The following ANKRD44 variants were observed in gnomAD, a reference collection of about 807,000 sequenced individuals.
ANKRD44 encodes serine/threonine-protein phosphatase 6 regulatory ankyrin repeat subunit B.
ANKRD44 carries 35 observed loss-of-function variants against 116.0 expected under a neutral mutation model. The ratio of observed to expected loss-of-function variants is 0.30; its 90% CI spans 0.23 to 0.40. ANKRD44 has a LOEUF of 0.40. Ranked by LOEUF, ANKRD44 falls within the 10% of genes least tolerant of loss-of-function variation. The pLI is 1.00. For missense variants in ANKRD44, 1,014 were observed against 1,242.6 expected (o/e 0.82, Z 2.77); for synonymous variants, 435 against 461.8 (o/e 0.94, Z 0.74).
chr2:197,034,253 C>A (rs79121788), intron 16 of ANKRD44, among the ~76,000 whole-genome samples: 12,633 of 151,990 alleles, frequency 0.083, 688 homozygotes, highest in African/African-American at 0.15. Flanking sequence ...GCCAAAGAAC[C>A]AGCATTATAA....
chr2:197,187,644 TTCTC>T (rs55952976), intron 1 of ANKRD44, among the ~76,000 whole-genome samples: 11,274 of 134,578 alleles, frequency 0.084, 1,194 homozygotes, highest in African/African-American at 0.25. Flanking sequence ...CACGTTCTCA[TTCTC>T]TCTCTCTCTC....
At chr2:197,263,845 T>C (rs1428507177) in intron 1 of ANKRD44, among the ~76,000 whole-genome samples, 1 of 152,186 alleles carries the variant, frequency 6.6e-6, no homozygotes, top group East Asian at 1.9e-4. Flanking sequence ...GCTAGGCACA[T>C]GGCTGCCTCC....
At chr2:197,292,824 C>G (rs2083611117) in intron 1 of ANKRD44, among the ~76,000 whole-genome samples, 2 of 152,194 alleles carry the variant, frequency 1.3e-5, no homozygotes, top group South Asian at 4.1e-4. Flanking sequence ...CAAGAGTGCA[C>G]ATTAACAGTG....
intron 21 of ANKRD44, chr2:196,967,502 T>C: frequency 4.6e-6 from 2 of 437,718 alleles, no homozygotes; most frequent in South Asian, 1.6e-5. Context: ...TTATGTTAAT[T>C]GTTGCATTTT....
chr2:197,194,140 A>G (rs2080891679), intron 1 of ANKRD44, among the ~76,000 whole-genome samples: 1 of 152,196 alleles, frequency 6.6e-6, no homozygotes, highest in Non-Finnish European at 1.5e-5. Context: ...CACCACCTCT[A>G]AAGCAGAGGG....
At chr2:197,259,412 T>C (rs577660481) in intron 1 of ANKRD44, among the ~76,000 whole-genome samples, 1 of 152,164 alleles carries the variant, frequency 6.6e-6, no homozygotes, top group Non-Finnish European at 1.5e-5. Context: ...ACTTGGAAGA[T>C]ATGGGAGTTA....
intron 1 of ANKRD44, among the ~76,000 whole-genome samples, chr2:197,282,493 G>C (rs1485371371): frequency 3.3e-5 from 5 of 152,160 alleles, no homozygotes; most frequent in African/African-American, 1.2e-4. Context: ...AGTTGGGGCT[G>C]TTGGAATGGT....
rs569519141 is a variant in ANKRD44 at position 197,013,597 on chromosome 2, G to T, written c.1838C>A (p.Thr613Lys). 6.2e-7 allele frequency: 1 copy of T among 1,614,056 alleles called. No individual in the cohort carries two copies. Among genetic ancestry groups the T allele is most frequent in the Non-Finnish European group, 8.5e-7 (1 of 1,180,054 alleles). Residue 613 changes from threonine to lysine, a missense_variant, in exon 18 of 28, where the codon ACA becomes AAA. Transcript: ENST00000282272. ...ALDLAAFKGH[T>K]ECVEALINQG... ...ATTGATAAGCGCTTCCACACATTCT[G>T]TGTGTCCTTTAAAGGCAGCCAGATC...
chr2:197,240,113 G>A (rs1225946154), intron 1 of ANKRD44, among the ~76,000 whole-genome samples: 1 of 152,058 alleles, frequency 6.6e-6, no homozygotes, highest in East Asian at 1.9e-4. Context: ...GATGGCTCAC[G>A]CCTGTAATCT....
chr2:196,998,326 C>G lies in ANKRD44; in HGVS notation c.2748+11G>C, dbSNP rs928823078. The G allele has an allele frequency of 6.3e-7, 1 of 1,577,266 alleles. No homozygotes were observed. Among genetic ancestry groups the G allele is most frequent in the East Asian group, 2.2e-5 (1 of 44,580 alleles). On this transcript the variant is annotated intron_variant, in intron 25 of 27. Transcript: ENST00000282272. ...ACGTGAAGTAATAATATTTTAAATTCATTTACATACTTTACTACAAGCCAA... is the reference window on the plus strand; with the variant it reads ...ACGTGAAGTAATAATATTTTAAATTGATTTACATACTTTACTACAAGCCAA...
intron 2 of ANKRD44, among the ~76,000 whole-genome samples, chr2:197,155,762 AT>A (rs1236652356): frequency 1.3e-5 from 2 of 152,236 alleles, no homozygotes; most frequent in Non-Finnish European, 2.9e-5. Context: ...TTAAGCAAAG[AT>A]TTCTTAGATA....
At chr2:197,033,473 A>G (rs984343793) in intron 16 of ANKRD44, among the ~76,000 whole-genome samples, 1 of 152,188 alleles carries the variant, frequency 6.6e-6, no homozygotes, top group South Asian at 2.1e-4. Flanking sequence ...TGAGTAATCC[A>G]TTAAGTAACT....
intron 1 of ANKRD44, among the ~76,000 whole-genome samples, chr2:197,255,385 T>C (rs756088754): frequency 9.9e-5 from 15 of 152,090 alleles, no homozygotes; most frequent in Non-Finnish European, 1.8e-4. Flanking sequence ...GCAGGCACAA[T>C]AGAGCAGCCT....
At chr2:197,074,670 G>C (rs2077628675) in intron 16 of ANKRD44, among the ~76,000 whole-genome samples, 1 of 152,104 alleles carries the variant, frequency 6.6e-6, no homozygotes, top group Admixed American at 6.6e-5. Flanking sequence ...GTAGAGACAA[G>C]GTCTTGCTAT....
chr2:197,122,537 C>G (rs1296766685), intron 7 of ANKRD44, 113 bp downstream of exon 7: 67 of 1,395,340 alleles, frequency 4.8e-5, no homozygotes, highest in Non-Finnish European at 6.4e-5. Context: ...AGACAGGATG[C>G]TAGAAAACAA....
chr2:197,107,516 G>T (rs534177311), intron 9 of ANKRD44, among the ~76,000 whole-genome samples: 258 of 148,822 alleles, frequency 1.7e-3, no homozygotes, highest in Non-Finnish European at 1.3e-3. Context: ...AAAGAGTGGG[G>T]TTTTTTTTTT....
chr2:197,158,835 C>T (rs970900285), intron 2 of ANKRD44, among the ~76,000 whole-genome samples: 1 of 152,158 alleles, frequency 6.6e-6, no homozygotes, highest in Non-Finnish European at 1.5e-5. Flanking sequence ...GCACCGTGCT[C>T]AGACCTGAAG....
chr2:197,053,641 G>A (rs1239294794), intron 16 of ANKRD44, among the ~76,000 whole-genome samples: 2 of 152,064 alleles, frequency 1.3e-5, no homozygotes, highest in African/African-American at 4.8e-5. Flanking sequence ...CCACCACCAT[G>A]CCCATCTAAT....
chr2:197,281,152 T>C (rs2083253401), intron 1 of ANKRD44, among the ~76,000 whole-genome samples: 1 of 152,204 alleles, frequency 6.6e-6, no homozygotes, highest in South Asian at 2.1e-4. Context: ...GTTCTGTCTA[T>C]TAATGTCAGT....
Sources: gnomAD v4.1 joint callset for allele counts (sites outside exome capture counted in the v4.1 genomes callset) on GRCh38, gnomAD v4.1.1 for gene constraint, MANE v1.5 for transcripts, NCBI Gene and HGNC (gene_info 2026-07-23, HGNC 2026-07-21) for gene names.